Variants in JMJD1C observed in about 807,000 individuals in gnomAD.
The protein encoded by JMJD1C is jumonji domain-containing protein 1C.
Under a neutral mutation model 245.3 loss-of-function variants are expected in JMJD1C, and 31 were observed. That is an observed-to-expected ratio of 0.13 (90% CI 0.09 to 0.17). JMJD1C has a LOEUF of 0.17. Ranked by LOEUF, JMJD1C falls within the 10% of genes least tolerant of loss-of-function variation. JMJD1C has a pLI of 1.00. For missense variants in JMJD1C, 2,691 were observed against 3,000.2 expected, an observed-to-expected ratio of 0.90 and a Z score of 2.41; for synonymous variants, 1,057 against 1,017.4, an observed-to-expected ratio of 1.04 and a Z score of -0.74.
At chr10:63,379,287 T>A (rs6479899) in intron 2 of JMJD1C, among the ~76,000 whole-genome samples, 128,491 of 152,148 alleles carry the variant, frequency 0.84, 54,780 homozygotes, top group African/African-American at 0.91. Context: ...CAGCTTTTAA[T>A]ATATTTCTTT....
chr10:63,218,655 G>A (rs536904045), intron 4 of JMJD1C, among the ~76,000 whole-genome samples: 1 of 152,036 alleles, frequency 6.6e-6, no homozygotes, highest in Non-Finnish European at 1.5e-5. Flanking sequence ...GAATGAATAG[G>A]GACTATACTG....
At chr10:63,175,308 C>T (rs1842780658) in intron 24 of JMJD1C, among the ~76,000 whole-genome samples, 1 of 152,028 alleles carries the variant, frequency 6.6e-6, no homozygotes, top group Non-Finnish European at 1.5e-5. Context: ...ATCATAAGTC[C>T]ATGGGAAAAT....
rs1409922074 is a variant in JMJD1C at position 63,465,819 on chromosome 10, A to T, written c.-157T>A. 1 of 840,022 alleles carries T rather than the reference A, an allele frequency of 1.2e-6. No individual in the cohort carries two copies. The highest frequency in any genetic ancestry group is 1.4e-5 in the South Asian group (1 of 69,540). The allele number at this position is 840,022 out of a possible 1,614,324, so 52.0% of individuals were successfully genotyped here. ...GGACGAACCGGCCGCTCTGCCCCGG[A>T]CACAGCGACCTCGGGCCCTCCCCGC... On this transcript the variant is annotated 5_prime_UTR_variant, in exon 1 of 26. Transcript: ENST00000399262.
intron 1 of JMJD1C, among the ~76,000 whole-genome samples, chr10:63,438,175 C>G (rs191605526): frequency 6.6e-6 from 1 of 152,080 alleles, no homozygotes; most frequent in East Asian, 1.9e-4. Context: ...GTATTATTAC[C>G]GCTATCACCA....
At chr10:63,262,864 A>G (rs1227730993) in intron 3 of JMJD1C, among the ~76,000 whole-genome samples, 3 of 152,060 alleles carry the variant, frequency 2.0e-5, no homozygotes, top group Admixed American at 2.0e-4. Context: ...AATCATTGTA[A>G]TTTTCAAAAA....
At chr10:63,367,116 C>A (rs1200724061) in intron 2 of JMJD1C, among the ~76,000 whole-genome samples, 3 of 152,098 alleles carry the variant, frequency 2.0e-5, no homozygotes, top group Non-Finnish European at 4.4e-5. Flanking sequence ...AATATTGAAG[C>A]CAAAACAAAG....
At chr10:63,383,256 T>C (rs1564858597) in intron 1 of JMJD1C, among the ~76,000 whole-genome samples, 1 of 150,108 alleles carries the variant, frequency 6.7e-6, no homozygotes, top group South Asian at 2.1e-4. Flanking sequence ...GAATATCCAC[T>C]AAAGATATTC....
At chr10:63,288,194 C>G (rs536722058) in intron 2 of JMJD1C, among the ~76,000 whole-genome samples, 62 of 152,294 alleles carry the variant, frequency 4.1e-4, no homozygotes, top group African/African-American at 1.5e-3. Context: ...ATAAGTAGAT[C>G]TATGCAGTTC....
intron 20 of JMJD1C, 91 bp from the exon 21 acceptor site, chr10:63,184,829 AG>A: frequency 8.3e-7 from 1 of 1,205,904 alleles, no homozygotes. Context: ...TCAAAACAGC[AG>A]ACTACCTTTC....
At chr10:63,360,802 T>G (rs1291617953) in intron 2 of JMJD1C, among the ~76,000 whole-genome samples, 1 of 152,148 alleles carries the variant, frequency 6.6e-6, no homozygotes, top group Non-Finnish European at 1.5e-5. Flanking sequence ...TTTTTATTTT[T>G]GAGACAGAGT....
intron 1 of JMJD1C, among the ~76,000 whole-genome samples, chr10:63,513,084 A>G (rs1424231763): frequency 2.0e-5 from 3 of 152,074 alleles, no homozygotes; most frequent in African/African-American, 7.2e-5. Flanking sequence ...CATATTGTCT[A>G]CTTTTTCCTT....
At chr10:63,291,596 A>C (rs1040127135) in intron 2 of JMJD1C, among the ~76,000 whole-genome samples, 2 of 145,028 alleles carry the variant, frequency 1.4e-5, no homozygotes, top group Non-Finnish European at 1.5e-5. Flanking sequence ...GCCTGGGCAA[A>C]AAGAGTGAAA....
In JMJD1C at chr10:63,233,287, A is replaced by G. The variant is rs1320240204; in HGVS notation, c.448-13304T>C. Reference sequence around the variant, plus strand: ...CCACTGTTTTCAAACTCTTCACAGCATATTAATAACCTGATTTACTTCTTA... The same window carrying G: ...CCACTGTTTTCAAACTCTTCACAGCGTATTAATAACCTGATTTACTTCTTA... On this transcript the variant is annotated intron_variant, in intron 3 of 25. Coordinates refer to ENST00000399262, the MANE Select transcript of JMJD1C (RefSeq NM_032776.3). 2.6e-5 allele frequency among the ~76,000 whole-genome samples: 4 copies of G among 152,332 alleles called. No individual in the cohort carries two copies. In the South Asian group the frequency reaches 6.2e-4, roughly 24 times the overall value.
At chr10:63,302,056 G>A (rs909592105) in intron 2 of JMJD1C, among the ~76,000 whole-genome samples, 1 of 152,056 alleles carries the variant, frequency 6.6e-6, no homozygotes, top group African/African-American at 2.4e-5. Flanking sequence ...TCGCTCTGTT[G>A]CCCAGGCTGG....
At chr10:63,498,442 A>T (rs1041899496) in intron 1 of JMJD1C, among the ~76,000 whole-genome samples, 13 of 152,148 alleles carry the variant, frequency 8.5e-5, no homozygotes, top group African/African-American at 3.1e-4. Flanking sequence ...CACATTTTCC[A>T]CTTCCAAAAC....
intron 3 of JMJD1C, among the ~76,000 whole-genome samples, chr10:63,221,755 CTT>C (rs1026622457): frequency 6.6e-6 from 1 of 152,174 alleles, no homozygotes; most frequent in African/African-American, 2.4e-5. Context: ...GAGTTTTGCT[CTT>C]GTTGCCCAGG....
At chr10:63,169,565 G>T (rs1336376881) in intron 24 of JMJD1C, among the ~76,000 whole-genome samples, 1 of 152,144 alleles carries the variant, frequency 6.6e-6, no homozygotes, top group Non-Finnish European at 1.5e-5. Flanking sequence ...TGATGATAGG[G>T]TGATGGAATT....
At chr10:63,336,052 C>T (rs1042872629) in intron 2 of JMJD1C, among the ~76,000 whole-genome samples, 5 of 151,828 alleles carry the variant, frequency 3.3e-5, no homozygotes, top group Non-Finnish European at 5.9e-5. Context: ...ACCTCGCAGG[C>T]GGAGGCTGCG....
intron 2 of JMJD1C, among the ~76,000 whole-genome samples, chr10:63,368,413 G>T (rs1946030852): frequency 6.6e-6 from 1 of 152,170 alleles, no homozygotes; most frequent in South Asian, 2.1e-4. Flanking sequence ...ACCAGTCTTA[G>T]TACAAGCCTG....
Sources: gnomAD v4.1 joint callset for allele counts (sites outside exome capture counted in the v4.1 genomes callset) on GRCh38, gnomAD v4.1.1 for gene constraint, MANE v1.5 for transcripts, NCBI Gene and HGNC (gene_info 2026-07-23, HGNC 2026-07-21) for gene names.